Variants in EYA1 observed in about 807,000 individuals in gnomAD.
The protein encoded by EYA1 is EYA transcriptional coactivator and phosphatase 1.
In EYA1, 16 loss-of-function variants were observed where a neutral mutation model predicts 82.0. That is an observed-to-expected ratio of 0.20 (90% CI 0.13 to 0.30). The LOEUF (loss-of-function observed/expected upper bound fraction) is 0.30. Ranked by LOEUF, EYA1 falls within the 10% of genes least tolerant of loss-of-function variation. EYA1 has a pLI of 1.00. For synonymous variants in EYA1, 261 were observed against 264.4 expected (o/e 0.99, Z 0.12); for missense variants, 633 against 730.7 (o/e 0.87, Z 1.54).
chr8:71,233,817 A>C (rs1281222809), intron 12 of EYA1, among the ~76,000 whole-genome samples: 1 of 152,230 alleles, frequency 6.6e-6, no homozygotes, highest in Non-Finnish European at 1.5e-5. Context: ...TTTTCTAAAT[A>C]ATAAAGGTAA....
At chr8:71,375,665 G>A (rs1176963656) in intron 2 of EYA1, among the ~76,000 whole-genome samples, 1 of 152,082 alleles carries the variant, frequency 6.6e-6, no homozygotes, top group African/African-American at 2.4e-5. Flanking sequence ...TTTTGTTCTT[G>A]TCGTCCAGGC....
intron 12 of EYA1, among the ~76,000 whole-genome samples, chr8:71,228,995 G>A (rs1359301562): frequency 6.6e-6 from 1 of 152,078 alleles, no homozygotes; most frequent in African/African-American, 2.4e-5. Flanking sequence ...GGGGAGACAG[G>A]GAATATGTTT....
intron 2 of EYA1, among the ~76,000 whole-genome samples, chr8:71,419,124 T>C (rs1363851973): frequency 6.6e-6 from 1 of 151,916 alleles, no homozygotes; most frequent in Non-Finnish European, 1.5e-5. Flanking sequence ...TAAAGAAATA[T>C]TGGAGGGTTT....
At chr8:71,362,549 T>C (rs1023054050), upstream of EYA1, among the ~76,000 whole-genome samples, 1 of 152,028 alleles carries the variant, frequency 6.6e-6, no homozygotes, top group Admixed American at 6.5e-5. Flanking sequence ...CTGGGGGAAA[T>C]AAAAAACTAG....
intron 2 of EYA1, among the ~76,000 whole-genome samples, chr8:71,498,587 A>G (rs1028920325): frequency 6.6e-6 from 1 of 152,084 alleles, no homozygotes; most frequent in Non-Finnish European, 1.5e-5. Flanking sequence ...CTACAAGACC[A>G]CATGGCTAGA....
rs550368755 is a variant in EYA1, at chr8:71,407,403, G to T, written c.34-50892C>A. 6.9e-4 allele frequency among the ~76,000 whole-genome samples: 101 copies of T among 146,734 alleles called. 2 individuals are homozygous for T. Among genetic ancestry groups the T allele is most frequent in the African/African-American group, 2.5e-3 (99 of 39,538 alleles). On this transcript the variant is annotated intron_variant, in intron 2 of 18. Transcript: ENST00000643681. ...GACTTTGACGAGCTGAGAGAAGAAG[G>T]TTTCAGACGATCAAATTACTCTGAG...
At chr8:71,334,638 C>CCA (rs143212416) in intron 3 of EYA1, among the ~76,000 whole-genome samples, 12 of 151,386 alleles carry the variant, frequency 7.9e-5, no homozygotes, top group South Asian at 6.3e-4. Flanking sequence ...GTCTCCCCCA[C>CCA]CACACACACA....
intron 2 of EYA1, chr8:71,535,598 A>C: frequency 1.8e-6 from 1 of 563,428 alleles, no homozygotes; most frequent in Non-Finnish European, 3.1e-6. Context: ...TGTACTACTT[A>C]ATTCATAACC....
intron 17 of EYA1, among the ~76,000 whole-genome samples, chr8:71,200,638 C>T (rs1806862140): frequency 1.3e-5 from 2 of 152,116 alleles, no homozygotes; most frequent in Admixed American, 6.5e-5. Context: ...GGATGCTCCT[C>T]TTGGAAACTT....
intron 12 of EYA1, among the ~76,000 whole-genome samples, chr8:71,228,451 G>GAA (rs911195803): frequency 6.2e-5 from 9 of 144,618 alleles, no homozygotes; most frequent in African/African-American, 2.3e-4. Flanking sequence ...TGCCCGAAAG[G>GAA]AAAAAAAAAA....
At chr8:71,201,992 A>G (rs1358477980) in intron 17 of EYA1, among the ~76,000 whole-genome samples, 1 of 152,214 alleles carries the variant, frequency 6.6e-6, no homozygotes, top group African/African-American at 2.4e-5. Flanking sequence ...GGATGCTGAA[A>G]GCTCTTCAGA....
At chr8:71,453,782 G>A (rs1807612698) in intron 2 of EYA1, among the ~76,000 whole-genome samples, 1 of 152,128 alleles carries the variant, frequency 6.6e-6, no homozygotes, top group African/African-American at 2.4e-5. Flanking sequence ...ACTAAACATG[G>A]AAAGGAACAA....
chr8:71,521,836 A>C (rs776321778), intron 2 of EYA1, among the ~76,000 whole-genome samples: 42 of 152,154 alleles, frequency 2.8e-4, no homozygotes, highest in Non-Finnish European at 4.4e-4. Flanking sequence ...GTAATCAGTT[A>C]GATAGCCCAT....
intron 2 of EYA1, among the ~76,000 whole-genome samples, chr8:71,456,965 G>GA (rs1807975817): frequency 6.6e-6 from 1 of 152,128 alleles, no homozygotes; most frequent in Admixed American, 6.5e-5. Flanking sequence ...CCATCAAAGT[G>GA]AACAGGCAAC....
chr8:71,349,843 A>G (rs1826129847), intron 3 of EYA1, among the ~76,000 whole-genome samples: 1 of 152,222 alleles, frequency 6.6e-6, no homozygotes, highest in South Asian at 2.1e-4. Context: ...ATAAAGCAAA[A>G]CATAGAGAAT....
chr8:71,441,324 T>C (rs1806421346), intron 2 of EYA1, among the ~76,000 whole-genome samples: 1 of 151,998 alleles, frequency 6.6e-6, no homozygotes, highest in African/African-American at 2.4e-5. Flanking sequence ...GTGGGAGAAT[T>C]GCTTGAGTCC....
At chr8:71,312,831 A>C (rs185611813) in intron 7 of EYA1, among the ~76,000 whole-genome samples, 124 of 152,358 alleles carry the variant, frequency 8.1e-4, no homozygotes, top group African/African-American at 2.8e-3. Flanking sequence ...AAAGTAAACA[A>C]TAAATGTCAA....
intron 11 of EYA1, among the ~76,000 whole-genome samples, chr8:71,245,517 C>A (rs928718740): frequency 6.7e-6 from 1 of 149,866 alleles, no homozygotes; most frequent in Non-Finnish European, 1.5e-5. Context: ...TGAGCCACTG[C>A]GCCCGGCCTA....
chr8:71,296,124 A>C (rs1563416396), intron 9 of EYA1, among the ~76,000 whole-genome samples: 2 of 152,232 alleles, frequency 1.3e-5, no homozygotes, highest in African/African-American at 4.8e-5. Flanking sequence ...GAATGAATGC[A>C]AAGGCACTGT....
Sources: gnomAD v4.1 joint callset for allele counts (sites outside exome capture counted in the v4.1 genomes callset) on GRCh38, gnomAD v4.1.1 for gene constraint, MANE v1.5 for transcripts, NCBI Gene and HGNC (gene_info 2026-07-23, HGNC 2026-07-21) for gene names.